FN1: variants seen among roughly 807,000 people sequenced by gnomAD.
FN1 encodes the protein fibronectin.
FN1 carries 106 observed loss-of-function variants against 297.3 expected under a neutral mutation model. The observed-to-expected ratio is 0.36, with a 90% CI of 0.30 to 0.42. The LOEUF (loss-of-function observed/expected upper bound fraction) is 0.42. FN1 is among the 10% of genes least tolerant of loss of function. The pLI, the probability that FN1 is intolerant of heterozygous loss-of-function variation, is 1.00. For missense variants in FN1, 2,690 were observed against 3,124.9 expected (o/e 0.86, Z 3.32); for synonymous variants, 1,149 against 1,152.6 (o/e 1.00, Z 0.06).
At chr2:215,399,986 G>C (rs931611671) in intron 20 of FN1, among the ~76,000 whole-genome samples, 1 of 151,816 alleles carries the variant, frequency 6.6e-6, no homozygotes, top group Non-Finnish European at 1.5e-5. Flanking sequence ...TCAGGAGTTC[G>C]AGACCAGGCT....
intron 42 of FN1, 176 bp from the exon 43 acceptor site, chr2:215,365,806 A>AT (rs10577918): frequency 1.3e-4 from 34 of 251,970 alleles, no homozygotes; most frequent in Middle Eastern, 1.3e-3. Flanking sequence ...TTTACTTTTT[A>AT]TTTTTTTTTT....
chr2:215,391,906 A>G, intron 25 of FN1, 92 bp from the exon 26 acceptor site: 2 of 1,033,954 alleles, frequency 1.9e-6, no homozygotes, highest in South Asian at 1.3e-5. Flanking sequence ...TATTTCATGC[A>G]TAAAGGAAAC....
chr2:215,371,086 C>A lies in FN1; in HGVS notation c.6715-654G>T, dbSNP rs180950659. Reference sequence around the variant, plus strand: ...AGATCGAGACCATCCTGGCCAACATCGTGAAACCCCGTCTCTACTAAAAAT... The same window carrying A: ...AGATCGAGACCATCCTGGCCAACATAGTGAAACCCCGTCTCTACTAAAAAT... On this transcript the variant is annotated intron_variant, in intron 40 of 45. Coordinates refer to ENST00000354785, the MANE Select transcript of FN1 (RefSeq NM_212482.4). Among the ~76,000 whole-genome samples the A allele has an allele frequency of 1.0e-3, 151 of 151,032 alleles. 2 individuals are homozygous for A. The highest frequency in any genetic ancestry group is 2.5e-3 in the Admixed American group (38 of 15,012).
intron 8 of FN1, among the ~76,000 whole-genome samples, chr2:215,423,805 A>G (rs2064873213): frequency 6.6e-6 from 1 of 152,150 alleles, no homozygotes; most frequent in African/African-American, 2.4e-5. Context: ...TTTAACTGGA[A>G]AATAAGCTAA....
chr2:215,393,000 A>T lies in FN1; in HGVS notation c.4000T>A (p.Tyr1334Asn). ...ATGAGAGTGATAACGCTGATATCAT[A>T]GTCAATGCCCGGCTCCAGCCCTGTG... ...TVTGLEPGIDYDISVITLING... is the reference protein window; with the variant it reads ...TVTGLEPGIDNDISVITLING... The change falls in exon 25 of 46, where the codon TAT becomes AAT. Residue 1334 changes from tyrosine (Y) to asparagine (N), a missense_variant. Tyr to Asn is a moderately radical substitution (Grantham distance 143). Transcript: ENST00000354785. 1 of 1,613,938 alleles carries T rather than the reference A, an allele frequency of 6.2e-7. No individual in the cohort carries two copies.
At chr2:215,370,217 G>T in intron 41 of FN1, 77 bp downstream of exon 41, 4 of 1,438,552 alleles carry the variant, frequency 2.8e-6, no homozygotes, top group Non-Finnish European at 3.9e-6. Context: ...TGGCAACAAA[G>T]GTACAGTCAA....
intron 20 of FN1, 88 bp from the exon 21 acceptor site, chr2:215,399,439 C>A (rs1028817250): frequency 5.4e-6 from 5 of 923,326 alleles, no homozygotes. Flanking sequence ...TTATGGAGAA[C>A]CTCAGTTTAA....
chr2:215,375,190 A>G, intron 38 of FN1, 24 bp downstream of exon 38: 1 of 1,612,660 alleles, frequency 6.2e-7, no homozygotes. Context: ...AAGAAGGAAA[A>G]TGACAGCATG....
At chr2:215,414,251 T>C (rs559460563) in intron 13 of FN1, among the ~76,000 whole-genome samples, 1 of 152,308 alleles carries the variant, frequency 6.6e-6, no homozygotes, top group African/African-American at 2.4e-5. Flanking sequence ...CTTCAATTTC[T>C]AGTCACTTCT....
chr2:215,361,654 A>C (rs764866446), intron 45 of FN1, 28 bp from the exon 46 acceptor site: 1 of 1,534,960 alleles, frequency 6.5e-7, no homozygotes, highest in Admixed American at 1.7e-5. Flanking sequence ...GGAAAAAAAA[A>C]TTAGTGGCAA....
At chr2:215,376,362 A>G (rs2057292420) in intron 36 of FN1, 136 bp downstream of exon 36, 1 of 798,214 alleles carries the variant, frequency 1.3e-6, no homozygotes, top group African/African-American at 1.7e-5. Context: ...TAGCATGAAA[A>G]TAACGTTCTA....
Position 215,424,204 on chromosome 2 carries a change from G to A in FN1, c.1158C>T (p.Cys386=), listed in dbSNP as rs145242006. 15 of 1,614,074 alleles carry A rather than the reference G, an allele frequency of 9.3e-6. No individual in the cohort carries two copies. The highest frequency in any genetic ancestry group is 1.3e-5 in the African/African-American group (1 of 74,916). The change falls in exon 8 of 46, where the codon TGC becomes TGT. Residue 386 remains cysteine, a synonymous_variant. Coordinates refer to ENST00000354785, the MANE Select transcript of FN1 (RefSeq NM_212482.4). ...CCTGCTCATAATTCGAAGTTGTGCTGCACCAAAGATGTCCGTCCTGTCGCC... is the reference window on the plus strand; with the variant it reads ...CCTGCTCATAATTCGAAGTTGTGCTACACCAAAGATGTCCGTCCTGTCGCC... ...TEGRQDGHLW[C]STTSNYEQDQ...
Position 215,382,343 on chromosome 2 carries a change from A to G in FN1, c.5051-18T>C, listed in dbSNP as rs369305963. ...TGTTTGATCTGCAAAGGGAGTGAAA[A>G]GCAAATGCAACATCCACGTCATCCA... On this transcript the variant is annotated intron_variant, in intron 31 of 45. Coordinates refer to ENST00000354785, the MANE Select transcript of FN1 (RefSeq NM_212482.4). 1.5e-5 allele frequency: 22 copies of G among 1,508,704 alleles called. No individual in the cohort carries two copies. In the African/African-American group the frequency reaches 2.9e-4, roughly 20 times the overall value. The allele number at this position is 1,508,704 out of a possible 1,614,324, so 93.5% of individuals were successfully genotyped here. A position where few individuals can be genotyped will look rare whatever the true frequency, so the allele number is the denominator to read the frequency against.
Position 215,372,041 on chromosome 2 carries a change from C to T in FN1, c.6582G>A (p.Pro2194=), listed in dbSNP as rs775428950. ...DVDYHLYPHG[P]GLNPNASTGQ... ...CTGTAGAGGCATTTGGATTGAGTCC[C>T]GGACCGTGTGGGTACAGGTGATAGT... The change falls in exon 40 of 46, where the codon CCG becomes CCA. Residue 2194 remains proline (P), a synonymous_variant. Coordinates refer to ENST00000354785, the MANE Select transcript of FN1 (RefSeq NM_212482.4). The T allele has an allele frequency of 2.3e-5, 37 of 1,614,168 alleles. No individual in the cohort carries two copies. The highest frequency in any genetic ancestry group is 6.7e-5 in the East Asian group (3 of 44,876).
At chr2:215,404,285 A>C in intron 20 of FN1, 104 bp downstream of exon 20, 1 of 1,188,564 alleles carries the variant, frequency 8.4e-7, no homozygotes, top group Non-Finnish European at 1.2e-6. Context: ...TAAATTATGT[A>C]CTAATTTTTT....
intron 41 of FN1, among the ~76,000 whole-genome samples, chr2:215,369,633 G>GC (rs1226737150): frequency 6.6e-6 from 1 of 152,106 alleles, no homozygotes; most frequent in Non-Finnish European, 1.5e-5. Context: ...TGCAAATTGA[G>GC]CAGCCAGGTG....
chr2:215,370,806 G>C (rs1213004313), intron 40 of FN1, among the ~76,000 whole-genome samples: 1 of 152,142 alleles, frequency 6.6e-6, no homozygotes, highest in Non-Finnish European at 1.5e-5. Context: ...TGCGCTATAT[G>C]GGAGACACGG....
intron 41 of FN1, among the ~76,000 whole-genome samples, chr2:215,369,563 T>C (rs1419519857): frequency 6.6e-6 from 1 of 152,190 alleles, no homozygotes; most frequent in Non-Finnish European, 1.5e-5. Flanking sequence ...TGTTGGAAGA[T>C]TGGGGATTCA....
intron 24 of FN1, among the ~76,000 whole-genome samples, chr2:215,393,926 C>G (rs1319436936): frequency 6.6e-6 from 1 of 151,980 alleles, no homozygotes; most frequent in Non-Finnish European, 1.5e-5. Flanking sequence ...GACAAACAAG[C>G]CTATCCTTAG....
Sources: allele counts gnomAD v4.1 joint callset (sites outside exome capture counted in the v4.1 genomes callset), GRCh38; gene constraint gnomAD v4.1.1; transcripts MANE v1.5; gene names NCBI Gene and HGNC (gene_info 2026-07-23, HGNC 2026-07-21).